MID1: variants seen among roughly 807,000 people sequenced by gnomAD.
The protein encoded by MID1 is midline 1.
Under a neutral mutation model 40.4 loss-of-function variants are expected in MID1, and 7 were observed. That is an observed-to-expected ratio of 0.17 (90% CI 0.10 to 0.33). The LOEUF (loss-of-function observed/expected upper bound fraction) is 0.33. MID1 is among the 10% of genes least tolerant of loss of function. The pLI, the probability that MID1 is intolerant of heterozygous loss-of-function variation, is 1.00. For synonymous variants in MID1, 229 were observed against 221.2 expected (o/e 1.04, Z -0.31); for missense variants, 367 against 558.5 (o/e 0.66, Z 3.46).
intron 1 of MID1, among the ~76,000 whole-genome samples, chrX:10,771,692 A>G (rs1286626745): frequency 1.2e-5 from 1 of 84,722 alleles, no homozygotes; most frequent in Non-Finnish European, 2.2e-5. Flanking sequence ...TATTTTTAGT[A>G]GAGATCGGGT....
At chrX:10,461,945 G>GA (rs1050213285) in intron 7 of MID1, among the ~76,000 whole-genome samples, 6 of 111,985 alleles carry the variant, frequency 5.4e-5, no homozygotes, top group African/African-American at 1.9e-4. Flanking sequence ...TGTGGTGGGG[G>GA]AACGCTTTCA....
chrX:10,793,904 T>A (rs73491037), intron 1 of MID1, among the ~76,000 whole-genome samples: 1,924 of 111,419 alleles, frequency 0.017, 45 homozygotes, highest in African/African-American at 0.06. Flanking sequence ...CCATCTGATA[T>A]TCTTCCTTCC....
At chrX:10,462,212 A>G (rs1336490576) in intron 7 of MID1, among the ~76,000 whole-genome samples, 1 of 111,792 alleles carries the variant, frequency 8.9e-6, no homozygotes, top group African/African-American at 3.3e-5. Context: ...AACAAACACT[A>G]TTACTGTTTA....
chrX:10,476,025 T>C (rs1272988997), intron 5 of MID1, among the ~76,000 whole-genome samples: 3 of 111,674 alleles, frequency 2.7e-5, no homozygotes, highest in Non-Finnish European at 5.6e-5. Flanking sequence ...CAACAGGATA[T>C]TATTCAGCCA....
At chrX:10,661,326 T>G (rs2042910445) in intron 1 of MID1, among the ~76,000 whole-genome samples, 1 of 109,801 alleles carries the variant, frequency 9.1e-6, no homozygotes, top group Non-Finnish European at 1.9e-5. Flanking sequence ...TTCTTTTTTT[T>G]TTTTGAGATG....
intron 2 of MID1, among the ~76,000 whole-genome samples, chrX:10,561,049 T>G (rs1241029746): frequency 9.4e-6 from 1 of 106,293 alleles, no homozygotes; most frequent in Non-Finnish European, 1.9e-5. Flanking sequence ...AACAGAGACC[T>G]TGGAAATAAC....
chrX:10,468,455 T>C (rs112619183), intron 7 of MID1, among the ~76,000 whole-genome samples: 44 of 112,848 alleles, frequency 3.9e-4, no homozygotes, highest in African/African-American at 1.3e-3. Flanking sequence ...GTTTATATAA[T>C]AAAAGCACAT....
intron 1 of MID1, among the ~76,000 whole-genome samples, chrX:10,812,803 A>C (rs2044111211): frequency 9.0e-6 from 1 of 111,553 alleles, no homozygotes; most frequent in South Asian, 3.8e-4. Context: ...CCACTGAACC[A>C]ATGTGGAGAG....
intron 1 of MID1, among the ~76,000 whole-genome samples, chrX:10,816,695 G>A (rs2044137939): frequency 1.8e-5 from 2 of 112,236 alleles, no homozygotes; most frequent in Admixed American, 1.9e-4. Flanking sequence ...ACTGCATAGA[G>A]TCCAAATAAT....
chrX:10,460,004 C>T, intron 7 of MID1, 197 bp from the exon 8 acceptor site: 1 of 468,804 alleles, frequency 2.1e-6, no homozygotes, highest in African/African-American at 2.3e-5. Context: ...ATTCTCCCTG[C>T]CCTGTATATC....
At chrX:10,709,749 T>G (rs887516596) in intron 1 of MID1, among the ~76,000 whole-genome samples, 14 of 112,141 alleles carry the variant, frequency 1.2e-4, no homozygotes, top group Admixed American at 6.7e-4. Context: ...GCATGATATT[T>G]TGGTAGTTGT....
chrX:10,683,836 C>T (rs1313097824), intron 1 of MID1, among the ~76,000 whole-genome samples: 3 of 88,450 alleles, frequency 3.4e-5, no homozygotes, highest in African/African-American at 9.1e-5. Flanking sequence ...AGTGGCACGA[C>T]GTTGGCTCAC....
chrX:10,480,686 C>T (rs953338975), intron 5 of MID1, among the ~76,000 whole-genome samples: 14 of 111,715 alleles, frequency 1.3e-4, no homozygotes, highest in Admixed American at 9.5e-5. Flanking sequence ...AGAAATGGGC[C>T]TCTCAGAGTA....
chrX:10,636,784 G>GTATATATATATATATATATA (rs1198448070), intron 1 of MID1, among the ~76,000 whole-genome samples: 7 of 12,152 alleles, frequency 5.8e-4, no homozygotes, highest in African/African-American at 3.0e-3. Context: ...CCAACAATGG[G>GTATATATATATATATATATA]GATATATATA....
rs138403118 is a variant in MID1 at position 10,480,314 on chromosome X, C to T, written c.1013+2166G>A. On this transcript the variant is annotated intron_variant, in intron 5 of 9. Transcript: ENST00000317552. ...CTGAGGGAGATTGTATGTGGGCATT[C>T]CCACACCTGTGCTATACTTCAGATG... 9.4e-3 allele frequency among the ~76,000 whole-genome samples: 1,059 copies of T among 112,332 alleles called. 4 individuals are homozygous for T. The highest frequency in any genetic ancestry group is 0.014 in the Non-Finnish European group (756 of 53,219).
intron 6 of MID1, among the ~76,000 whole-genome samples, chrX:10,474,010 T>G (rs1929861675): frequency 8.9e-6 from 1 of 111,774 alleles, no homozygotes; most frequent in Non-Finnish European, 1.9e-5. Context: ...CAATGTAAAT[T>G]TGTGACCTTT....
chrX:10,579,987 T>C (rs1230902908), intron 1 of MID1, among the ~76,000 whole-genome samples: 4 of 110,183 alleles, frequency 3.6e-5, no homozygotes. Flanking sequence ...GCCGGGAGCC[T>C]TCTCGGAGAA....
At chrX:10,507,133 C>G (rs968965888) in intron 3 of MID1, among the ~76,000 whole-genome samples, 12 of 110,687 alleles carry the variant, frequency 1.1e-4, no homozygotes, top group African/African-American at 3.9e-4. Flanking sequence ...GAGAAGTGTC[C>G]CTCTCTCTCC....
chrX:10,664,515 C>T (rs940538076), intron 1 of MID1, among the ~76,000 whole-genome samples: 5 of 111,974 alleles, frequency 4.5e-5, no homozygotes, highest in African/African-American at 9.7e-5. Flanking sequence ...TAAACATTTG[C>T]GCTGTTTCCA....
Sources: allele counts gnomAD v4.1 joint callset (sites outside exome capture counted in the v4.1 genomes callset), GRCh38; gene constraint gnomAD v4.1.1; transcripts MANE v1.5; gene names NCBI Gene and HGNC (gene_info 2026-07-23, HGNC 2026-07-21).